TTC28: variants seen among roughly 807,000 people sequenced by gnomAD.
The protein encoded by TTC28 is tetratricopeptide repeat domain 28.
Under a neutral mutation model 198.0 loss-of-function variants are expected in TTC28, and 61 were observed. The ratio of observed to expected loss-of-function variants is 0.31; its 90% CI spans 0.25 to 0.38. TTC28 has a LOEUF of 0.38. Ranked by LOEUF, TTC28 falls within the 10% of genes least tolerant of loss-of-function variation. TTC28 has a pLI of 1.00. For synonymous variants in TTC28, 1,171 were observed against 1,297.8 expected, an observed-to-expected ratio of 0.90 and a Z score of 2.10; for missense variants, 2,678 against 3,164.0, an observed-to-expected ratio of 0.85 and a Z score of 3.69.
At chr22:28,024,107 G>C (rs1466931479) in intron 13 of TTC28, among the ~76,000 whole-genome samples, 3 of 150,190 alleles carry the variant, frequency 2.0e-5, no homozygotes, top group African/African-American at 7.3e-5. Flanking sequence ...GGGATACAGA[G>C]ATAAATCAGA....
chr22:28,654,097 T>C (rs1423246725), intron 1 of TTC28, among the ~76,000 whole-genome samples: 1 of 152,296 alleles, frequency 6.6e-6, no homozygotes, highest in Admixed American at 6.5e-5. Flanking sequence ...ATTGGCTAGA[T>C]AAGCTAGTCA....
At chr22:28,669,897 A>G (rs1379581777) in intron 1 of TTC28, among the ~76,000 whole-genome samples, 1 of 152,196 alleles carries the variant, frequency 6.6e-6, no homozygotes, top group Non-Finnish European at 1.5e-5. Flanking sequence ...ACTGATGAGA[A>G]AATATAAAGG....
In TTC28 at chr22:28,467,616, G is replaced by A. The variant is rs183801391; in HGVS notation, c.382-160973C>T. Among the ~76,000 whole-genome samples the A allele has an allele frequency of 1.7e-3, 257 of 152,274 alleles. 1 individual carries two copies. The highest frequency in any genetic ancestry group is 0.014 in the Middle Eastern group (4 of 294). On this transcript the variant is annotated intron_variant, in intron 2 of 22. Transcript: ENST00000397906. Reference sequence around the variant, plus strand: ...CTATCTCAAGTGCTAGCAATTGACAGATTCTCAATTAGTCTTCACTATGGA... The same window carrying A: ...CTATCTCAAGTGCTAGCAATTGACAAATTCTCAATTAGTCTTCACTATGGA...
At chr22:28,677,207 CAT>C (rs890309325) in intron 1 of TTC28, among the ~76,000 whole-genome samples, 1 of 118,780 alleles carries the variant, frequency 8.4e-6, no homozygotes, top group Non-Finnish European at 1.7e-5. Context: ...TATATACACA[CAT>C]ATATATTAAG....
At chr22:28,409,535 T>G (rs763160893) in intron 2 of TTC28, among the ~76,000 whole-genome samples, 3 of 150,524 alleles carry the variant, frequency 2.0e-5, no homozygotes, top group Non-Finnish European at 4.4e-5. Context: ...TTAATATATA[T>G]TATATATACA....
At chr22:28,568,033 TATTA>T (rs2050007625) in intron 2 of TTC28, among the ~76,000 whole-genome samples, 2 of 152,250 alleles carry the variant, frequency 1.3e-5, no homozygotes, top group South Asian at 4.1e-4. Flanking sequence ...GAAGAATGAT[TATTA>T]ATTCAGGGGA....
intron 1 of TTC28, among the ~76,000 whole-genome samples, chr22:28,675,043 T>TAC (rs2051960668): frequency 6.6e-6 from 1 of 151,876 alleles, no homozygotes; most frequent in South Asian, 2.1e-4. Flanking sequence ...CAGAAAGAAA[T>TAC]ACACATCAAG....
intron 2 of TTC28, among the ~76,000 whole-genome samples, chr22:28,466,536 G>A (rs1481091835): frequency 6.6e-6 from 1 of 152,124 alleles, no homozygotes; most frequent in African/African-American, 2.4e-5. Context: ...CCAAGAATGC[G>A]AAATGTGACT....
At chr22:28,012,234 GC>G (rs770300979) in intron 14 of TTC28, among the ~76,000 whole-genome samples, 13 of 152,252 alleles carry the variant, frequency 8.5e-5, no homozygotes, top group Non-Finnish European at 1.3e-4. Flanking sequence ...TATCTCAGAA[GC>G]TTTAAGCTGG....
intron 5 of TTC28, among the ~76,000 whole-genome samples, chr22:28,243,165 C>T (rs1301240619): frequency 1.0e-5 from 1 of 97,392 alleles, no homozygotes; most frequent in Non-Finnish European, 2.0e-5. Context: ...TGGCAAAACC[C>T]CCTCTCTACA....
chr22:28,095,958 G>A (rs1211651341), intron 11 of TTC28, among the ~76,000 whole-genome samples: 1 of 152,212 alleles, frequency 6.6e-6, no homozygotes, highest in African/African-American at 2.4e-5. Flanking sequence ...CTTGATAAAT[G>A]CTTCCACATT....
intron 5 of TTC28, among the ~76,000 whole-genome samples, chr22:28,206,918 C>T (rs891544594): frequency 3.3e-5 from 5 of 152,018 alleles, no homozygotes; most frequent in East Asian, 1.9e-4. Flanking sequence ...CGGACGGAAT[C>T]GGGTGGGGGT....
intron 5 of TTC28, among the ~76,000 whole-genome samples, chr22:28,177,949 C>T (rs2147097650): frequency 6.6e-6 from 1 of 152,094 alleles, no homozygotes; most frequent in Admixed American, 6.5e-5. Context: ...TGTCAAAACC[C>T]ACAGAACTGT....
chr22:28,047,714 A>T (rs1939924466), intron 12 of TTC28, among the ~76,000 whole-genome samples: 1 of 152,182 alleles, frequency 6.6e-6, no homozygotes, highest in Non-Finnish European at 1.5e-5. Flanking sequence ...AGCCCAAAGC[A>T]GGCCCAGGTG....
chr22:28,336,841 C>CAG (rs2045730206), intron 2 of TTC28, among the ~76,000 whole-genome samples: 1 of 152,116 alleles, frequency 6.6e-6, no homozygotes, highest in African/African-American at 2.4e-5. Flanking sequence ...CTATGACCTT[C>CAG]AGTTCTGCTC....
intron 14 of TTC28, 172 bp from the exon 15 acceptor site, chr22:28,001,725 C>T (rs1430070893): frequency 1.8e-5 from 13 of 709,708 alleles, no homozygotes; most frequent in Admixed American, 2.9e-5. Context: ...AGGAGCGGCA[C>T]CAACTGGCAT....
intron 2 of TTC28, among the ~76,000 whole-genome samples, chr22:28,390,988 C>T (rs543456606): frequency 3.9e-4 from 59 of 152,268 alleles, no homozygotes; most frequent in Admixed American, 5.9e-4. Flanking sequence ...ATCAGTTGTT[C>T]CTTTCCATGT....
intron 2 of TTC28, among the ~76,000 whole-genome samples, chr22:28,544,155 T>C (rs186325345): frequency 7.2e-5 from 11 of 152,064 alleles, no homozygotes; most frequent in South Asian, 2.1e-4. Context: ...TGGGAGGAGG[T>C]TGCAGTGAGT....
chr22:28,438,463 A>G (rs1407879281), intron 2 of TTC28, among the ~76,000 whole-genome samples: 1 of 152,230 alleles, frequency 6.6e-6, no homozygotes, highest in Non-Finnish European at 1.5e-5. Context: ...TAATGTGACA[A>G]GTATAACAAG....
Sources: allele counts gnomAD v4.1 joint callset (sites outside exome capture counted in the v4.1 genomes callset), GRCh38; gene constraint gnomAD v4.1.1; transcripts MANE v1.5; gene names NCBI Gene and HGNC (gene_info 2026-07-23, HGNC 2026-07-21).